GPR176: variants seen among roughly 807,000 people sequenced by gnomAD.
The protein encoded by GPR176 is G protein-coupled receptor 176.
GPR176 carries 26 observed loss-of-function variants against 35.4 expected under a neutral mutation model. That is an observed-to-expected ratio of 0.74 (90% CI 0.54 to 1.02). The LOEUF (loss-of-function observed/expected upper bound fraction) is 1.02. Ranked by LOEUF, GPR176 falls within the 50% of genes least tolerant of loss-of-function variation. The pLI is 0.00. For missense variants in GPR176, 597 were observed against 665.3 expected, an observed-to-expected ratio of 0.90 and a Z score of 1.13; for synonymous variants, 278 against 271.3, an observed-to-expected ratio of 1.02 and a Z score of -0.24.
chr15:39,876,464 G>A (rs1428891099), intron 1 of GPR176, among the ~76,000 whole-genome samples: 2 of 151,878 alleles, frequency 1.3e-5, no homozygotes, highest in African/African-American at 4.8e-5. Flanking sequence ...TACAAGATCA[G>A]TATGAGCTGC....
chr15:39,847,351 G>A (rs1019890140), intron 1 of GPR176, among the ~76,000 whole-genome samples: 2 of 152,140 alleles, frequency 1.3e-5, no homozygotes, highest in African/African-American at 2.4e-5. Flanking sequence ...ATCAAGAAAT[G>A]TGATCCAACT....
intron 1 of GPR176, among the ~76,000 whole-genome samples, chr15:39,888,475 C>G (rs569098385): frequency 2.6e-5 from 4 of 152,160 alleles, no homozygotes; most frequent in Non-Finnish European, 5.9e-5. Flanking sequence ...GTTGCCCAAG[C>G]TGTAGTGCCA....
At chr15:39,894,380 C>T (rs1241506991) in intron 1 of GPR176, 1 of 153,894 alleles carries the variant, frequency 6.5e-6, no homozygotes, top group Admixed American at 6.6e-5. Context: ...ACCTCCCTCC[C>T]GGACGGGGTG....
chr15:39,811,859 T>C (rs958975295), intron 1 of GPR176, among the ~76,000 whole-genome samples: 42 of 149,984 alleles, frequency 2.8e-4, no homozygotes, highest in African/African-American at 1.0e-3. Flanking sequence ...GAGCTTGCAG[T>C]GAGCCGAGAT....
intron 1 of GPR176, among the ~76,000 whole-genome samples, chr15:39,913,727 T>C (rs151258094): frequency 1.6e-4 from 25 of 152,304 alleles, no homozygotes; most frequent in African/African-American, 6.0e-4. Flanking sequence ...TAGTAGTGGT[T>C]GCACTACTTT....
chr15:39,820,045 A>G (rs1900165736), intron 1 of GPR176, among the ~76,000 whole-genome samples: 1 of 152,210 alleles, frequency 6.6e-6, no homozygotes, highest in South Asian at 2.1e-4. Context: ...TGGCATTCCA[A>G]TTCTTCTAAC....
At chr15:39,843,044 TA>T (rs78166817) in intron 1 of GPR176, among the ~76,000 whole-genome samples, 161 of 143,762 alleles carry the variant, frequency 1.1e-3, no homozygotes, top group Middle Eastern at 0.01. Context: ...TTCACACTAT[TA>T]AAAAAAAAAA....
intron 1 of GPR176, among the ~76,000 whole-genome samples, chr15:39,892,400 G>A (rs2032908293): frequency 6.6e-6 from 1 of 152,216 alleles, no homozygotes; most frequent in Non-Finnish European, 1.5e-5. Context: ...GGATGTGGAG[G>A]AAGCAGAGAT....
At chr15:39,877,376 T>C (rs1360120432) in intron 1 of GPR176, among the ~76,000 whole-genome samples, 2 of 151,846 alleles carry the variant, frequency 1.3e-5, no homozygotes, top group African/African-American at 2.4e-5. Flanking sequence ...CACCCCAAAT[T>C]CCCCCAAATC....
chr15:39,883,000 T>C (rs1301214532), intron 1 of GPR176, among the ~76,000 whole-genome samples: 1 of 152,218 alleles, frequency 6.6e-6, no homozygotes, highest in South Asian at 2.1e-4. Context: ...CATGTTTATG[T>C]TGAACACTGA....
intron 1 of GPR176, among the ~76,000 whole-genome samples, chr15:39,819,366 G>A (rs921153107): frequency 1.3e-5 from 2 of 152,108 alleles, no homozygotes; most frequent in Non-Finnish European, 2.9e-5. Flanking sequence ...TAAGATTAAG[G>A]AGCCTGAAAA....
chr15:39,858,792 G>A (rs1442555789), intron 1 of GPR176, among the ~76,000 whole-genome samples: 1 of 151,960 alleles, frequency 6.6e-6, no homozygotes, highest in Non-Finnish European at 1.5e-5. Context: ...TGTTGCCCAG[G>A]CTGGAGTGCA....
At chr15:39,891,188 T>A (rs1259220750) in intron 1 of GPR176, among the ~76,000 whole-genome samples, 1 of 152,138 alleles carries the variant, frequency 6.6e-6, no homozygotes, top group African/African-American at 2.4e-5. Context: ...TCTATTTGCT[T>A]AGCAAATAGA....
chr15:39,844,387 A>G (rs1316457677), intron 1 of GPR176, among the ~76,000 whole-genome samples: 1 of 152,050 alleles, frequency 6.6e-6, no homozygotes, highest in Non-Finnish European at 1.5e-5. Flanking sequence ...ATATGTATTT[A>G]TCCTCAATCT....
intron 1 of GPR176, among the ~76,000 whole-genome samples, chr15:39,811,723 T>C (rs996653791): frequency 1.3e-5 from 2 of 152,100 alleles, no homozygotes; most frequent in African/African-American, 4.8e-5. Context: ...AAGACCATCC[T>C]GGCGAACATG....
At chr15:39,859,733 C>A (rs1439447483) in intron 1 of GPR176, among the ~76,000 whole-genome samples, 1 of 152,096 alleles carries the variant, frequency 6.6e-6, no homozygotes. Flanking sequence ...ACTGTATGAT[C>A]CCACTTATAT....
intron 1 of GPR176, among the ~76,000 whole-genome samples, chr15:39,913,623 G>A (rs2033637799): frequency 6.6e-6 from 1 of 152,054 alleles, no homozygotes; most frequent in African/African-American, 2.4e-5. Context: ...AGGTATTGAG[G>A]GGAAAAAGGC....
intron 1 of GPR176, among the ~76,000 whole-genome samples, chr15:39,829,731 C>T (rs1900937578): frequency 6.6e-6 from 1 of 152,092 alleles, no homozygotes; most frequent in African/African-American, 2.4e-5. Context: ...ATTCCTCAGT[C>T]CCTGTCTCTC....
chr15:39,846,225 G>A (rs1052882744), intron 1 of GPR176, among the ~76,000 whole-genome samples: 9 of 152,218 alleles, frequency 5.9e-5, no homozygotes, highest in Admixed American at 5.2e-4. Context: ...CCTTTGCAAA[G>A]ATTATGACAG....
Sources: allele counts gnomAD v4.1 joint callset (sites outside exome capture counted in the v4.1 genomes callset), GRCh38; gene constraint gnomAD v4.1.1; transcripts MANE v1.5; gene names NCBI Gene and HGNC (gene_info 2026-07-23, HGNC 2026-07-21).